Variants in HDGFL2 observed in about 807,000 individuals in gnomAD.
The protein encoded by HDGFL2 is HDGF like 2.
A neutral mutation model predicts 77.1 loss-of-function variants in HDGFL2; 36 were observed. The ratio of observed to expected loss-of-function variants is 0.47; its 90% CI spans 0.36 to 0.62. The LOEUF (loss-of-function observed/expected upper bound fraction) is 0.62. Among genes scored for constraint, HDGFL2 ranks in the 20% least tolerant of loss-of-function variants. The pLI, the probability that HDGFL2 is intolerant of heterozygous loss-of-function variation, is 0.00. For synonymous variants in HDGFL2, 463 were observed against 413.1 expected, an observed-to-expected ratio of 1.12 and a Z score of -1.46; for missense variants, 976 against 973.4, an observed-to-expected ratio of 1.00 and a Z score of -0.04.
intron 6 of HDGFL2, among the ~76,000 whole-genome samples, chr19:4,493,303 TGTGTGTGTGGTGTCTGTGTGTGGC>T: frequency 6.7e-6 from 1 of 149,542 alleles, no homozygotes; most frequent in East Asian, 2.0e-4. Flanking sequence ...GTGTGTGTGG[TGTGTGTGTGGTGTCTGTGTGTGGC>T]GTGTGTGTTT....
chr19:4,499,714 G>T lies in HDGFL2; in HGVS notation c.1789+10G>T. 5 of 1,531,630 alleles carry T rather than the reference G, an allele frequency of 3.3e-6. No homozygotes were observed. The highest frequency in any genetic ancestry group is 2.4e-5 in the South Asian group (2 of 84,088). 94.9% of individuals were successfully genotyped at this position (1,531,630 alleles called of 1,614,324 possible). A position where few individuals can be genotyped will look rare whatever the true frequency, so the allele number is the denominator to read the frequency against. ...GACAAGCCCAGCACCGGTGAGGGGC[G>T]GGTGGGGTGGGCCCTGTACCTCAGT... On this transcript the variant is annotated intron_variant, in intron 14 of 15. Transcript: ENST00000616600.
intron 15 of HDGFL2, chr19:4,501,559 G>C (rs1975885072): frequency 2.0e-6 from 1 of 500,316 alleles, no homozygotes; most frequent in Non-Finnish European, 3.4e-6. Flanking sequence ...CTGGGAAGGT[G>C]GCTTCTTGCC....
intron 3 of HDGFL2, among the ~76,000 whole-genome samples, chr19:4,479,419 TA>T (rs372399866): frequency 0.1 from 15,135 of 144,924 alleles, 944 homozygotes; most frequent in South Asian, 0.22. Context: ...CTGTCTCTAC[TA>T]AAAAAAAAAT....
chr19:4,485,673 C>T (rs1477926622), intron 3 of HDGFL2, among the ~76,000 whole-genome samples: 4 of 151,336 alleles, frequency 2.6e-5, no homozygotes, highest in African/African-American at 7.3e-5. Flanking sequence ...ACCCAGCAGG[C>T]GGAGCTTGCA....
chr19:4,495,249 G>A (rs1426998450), intron 9 of HDGFL2, among the ~76,000 whole-genome samples: 4 of 152,020 alleles, frequency 2.6e-5, no homozygotes, highest in African/African-American at 9.6e-5. Context: ...TTAGCCAGGC[G>A]TTGTGGCAGG....
At chr19:4,496,260 C>T (rs1975698041) in intron 9 of HDGFL2, 42 bp from the exon 10 acceptor site, 1 of 1,534,408 alleles carries the variant, frequency 6.5e-7, no homozygotes, top group South Asian at 1.1e-5. Flanking sequence ...TGGGTAATCC[C>T]CTCTTCCCAC....
intron 4 of HDGFL2, among the ~76,000 whole-genome samples, chr19:4,490,721 A>G (rs1975483628): frequency 6.6e-6 from 1 of 152,220 alleles, no homozygotes; most frequent in Non-Finnish European, 1.5e-5. Flanking sequence ...AACTTGGAAA[A>G]TGCAAAGAAC....
At chr19:4,474,345 A>G (rs1975016122) in intron 1 of HDGFL2, among the ~76,000 whole-genome samples, 1 of 152,134 alleles carries the variant, frequency 6.6e-6, no homozygotes, top group African/African-American at 2.4e-5. Context: ...GCTGTGAGGC[A>G]TGCCGGGCTG....
At chr19:4,489,949 C>A (rs1442063930) in intron 4 of HDGFL2, among the ~76,000 whole-genome samples, 1 of 152,150 alleles carries the variant, frequency 6.6e-6, no homozygotes, top group Non-Finnish European at 1.5e-5. Flanking sequence ...CCCCTTCCTG[C>A]CTCTGTGGAG....
chr19:4,500,452 ATTTTTTT>A lies in HDGFL2; in HGVS notation c.1790-719_1790-713del, dbSNP rs67297373. On this transcript the variant is annotated intron_variant, in intron 14 of 15. Coordinates refer to ENST00000616600, the MANE Select transcript of HDGFL2 (RefSeq NM_001001520.3). ...AGGCCTACACCACTATGCCCTGCTA[ATTTTTTT>A]TTTTTTTTTTTTTTTTTTTGAGACG... 1.1e-4 allele frequency among the ~76,000 whole-genome samples: 10 copies of A among 88,716 alleles called. No individual in the cohort carries two copies. The South Asian group carries it at 1.4e-3, about 12-fold the overall frequency. 58.2% of individuals were successfully genotyped at this position (88,716 alleles called of 152,430 possible).
At chr19:4,499,290 G>C (rs1050046291) in intron 13 of HDGFL2, among the ~76,000 whole-genome samples, 41 of 151,866 alleles carry the variant, frequency 2.7e-4, no homozygotes, top group African/African-American at 9.2e-4. Context: ...AGGTTGCAGT[G>C]AGCCGAGATC....
At chr19:4,497,877 G>A (rs1042488788) in intron 10 of HDGFL2, 81 bp from the exon 11 acceptor site, 20 of 1,275,696 alleles carry the variant, frequency 1.6e-5, no homozygotes, top group Non-Finnish European at 2.1e-5. Context: ...CAGTGGGTTT[G>A]GGTCCACCCC....
intron 10 of HDGFL2, 97 bp from the exon 11 acceptor site, chr19:4,497,861 C>A: frequency 2.7e-6 from 3 of 1,104,238 alleles, no homozygotes; most frequent in Non-Finnish European, 3.9e-6. Flanking sequence ...CCAAAGGTTT[C>A]CTTTGCAGTG....
chr19:4,496,596 C>T (rs936340243), intron 10 of HDGFL2, among the ~76,000 whole-genome samples, 191 bp downstream of exon 10: 2 of 152,166 alleles, frequency 1.3e-5, no homozygotes, highest in African/African-American at 4.8e-5. Flanking sequence ...TTTGCCCAGC[C>T]CAGGGGTCTC....
chr19:4,498,159 C>T (rs758265452), intron 11 of HDGFL2, 128 bp downstream of exon 11: 23 of 1,166,598 alleles, frequency 2.0e-5, no homozygotes, highest in Non-Finnish European at 2.6e-5. Flanking sequence ...CCGGCCTGGC[C>T]GGCGGTGCCT....
rs372035896 is a variant in HDGFL2, at chr19:4,475,441, C to G, written c.150-4C>G. 3.7e-6 allele frequency: 6 copies of G among 1,613,818 alleles called. No individual in the cohort carries two copies. The highest frequency in any genetic ancestry group is 1.7e-4 in the Middle Eastern group (1 of 6,056). On this transcript the variant is annotated splice_region_variant and splice_polypyrimidine_tract_variant and intron_variant, in intron 2 of 15. Transcript: ENST00000616600. ...TGGGACTGGCCCCCGTTTCCCTTCTCCAGAGCCTTCCTGGGACCCAAGGAC... is the reference window on the plus strand; with the variant it reads ...TGGGACTGGCCCCCGTTTCCCTTCTGCAGAGCCTTCCTGGGACCCAAGGAC...
chr19:4,491,864 G>A, intron 6 of HDGFL2, 29 bp downstream of exon 6: 5 of 1,596,846 alleles, frequency 3.1e-6, no homozygotes, highest in Non-Finnish European at 4.3e-6. Flanking sequence ...TGTTTCCCAT[G>A]CCCACTCGTG....
intron 3 of HDGFL2, among the ~76,000 whole-genome samples, chr19:4,481,986 C>G (rs1476583549): frequency 1.3e-5 from 2 of 150,518 alleles, no homozygotes; most frequent in East Asian, 3.9e-4. Context: ...CTGTTCCCCT[C>G]ACTCTCAGCC....
At chr19:4,490,257 T>C (rs1032133229) in intron 4 of HDGFL2, among the ~76,000 whole-genome samples, 14 of 152,098 alleles carry the variant, frequency 9.2e-5, no homozygotes, top group African/African-American at 3.1e-4. Context: ...CCGGCTAATT[T>C]TGTGTTTTTG....
Sources: gnomAD v4.1 joint callset for allele counts (sites outside exome capture counted in the v4.1 genomes callset) on GRCh38, gnomAD v4.1.1 for gene constraint, MANE v1.5 for transcripts, NCBI Gene and HGNC (gene_info 2026-07-23, HGNC 2026-07-21) for gene names.